FREM1: variants seen among roughly 807,000 people sequenced by gnomAD.
FREM1 encodes FRAS1 related extracellular matrix 1, also known as FRAS1-related extracellular matrix protein 1.
A neutral mutation model predicts 210.1 loss-of-function variants in FREM1; 220 were observed. The ratio of observed to expected loss-of-function variants is 1.05; its 90% CI spans 0.94 to 1.17. FREM1 has a LOEUF of 1.17. FREM1 is among the 50% of genes most tolerant of loss of function. The pLI, the probability that FREM1 is intolerant of heterozygous loss-of-function variation, is 0.00. For missense variants in FREM1, 3,454 were observed against 2,675.5 expected (o/e 1.29, Z -6.42); for synonymous variants, 1,189 against 980.2 (o/e 1.21, Z -3.98).
intron 5 of FREM1, among the ~76,000 whole-genome samples, 200 bp downstream of exon 5, chr9:14,857,353 G>A (rs930019306): frequency 2.0e-5 from 3 of 152,164 alleles, no homozygotes; most frequent in African/African-American, 7.2e-5. Flanking sequence ...AACCAGAGAA[G>A]GGAAATTTTA....
At chr9:14,855,543 G>A (rs950146255) in intron 5 of FREM1, among the ~76,000 whole-genome samples, 4 of 152,044 alleles carry the variant, frequency 2.6e-5, no homozygotes, top group Non-Finnish European at 2.9e-5. Flanking sequence ...GTATAAATGC[G>A]ATTCCATAAA....
intron 10 of FREM1, among the ~76,000 whole-genome samples, chr9:14,832,647 T>C (rs367753602): frequency 5.1e-4 from 78 of 152,270 alleles, no homozygotes; most frequent in Middle Eastern, 3.4e-3. Context: ...AACCTTAAAA[T>C]GCTTGATGTA....
chr9:14,827,289 C>T (rs1822649796), intron 10 of FREM1, among the ~76,000 whole-genome samples: 1 of 152,136 alleles, frequency 6.6e-6, no homozygotes, highest in Non-Finnish European at 1.5e-5. Flanking sequence ...TGAGGAATAT[C>T]TTATTGGAAA....
At chr9:14,903,258 CAT>C (rs1839098563) in intron 1 of FREM1, among the ~76,000 whole-genome samples, 1 of 152,108 alleles carries the variant, frequency 6.6e-6, no homozygotes, top group Admixed American at 6.5e-5. Context: ...TGAGCCATGA[CAT>C]GTGGTCAGCA....
At chr9:14,796,761 G>T (rs918101101) in intron 21 of FREM1, among the ~76,000 whole-genome samples, 6 of 152,154 alleles carry the variant, frequency 3.9e-5, no homozygotes, top group African/African-American at 1.4e-4. Flanking sequence ...GGATGTGTTT[G>T]CTTCCTCTTC....
chr9:14,906,252 C>A (rs1169950917), intron 1 of FREM1, among the ~76,000 whole-genome samples: 1 of 152,146 alleles, frequency 6.6e-6, no homozygotes, highest in African/African-American at 2.4e-5. Flanking sequence ...AACATTGTAG[C>A]CTATGATTAG....
rs371960930 is a variant in FREM1, at chr9:14,807,983, G to A, written c.3045C>T (p.Ile1015=). 1.6e-5 allele frequency: 26 copies of A among 1,613,730 alleles called. No individual in the cohort carries two copies. In the African/African-American group the frequency reaches 2.8e-4, roughly 17 times the overall value. ...GCTGGTTGTCTACTGGGTATACCGTGATGTTGAGATCATACACTGGAAAGG... is the reference window on the plus strand; with the variant it reads ...GCTGGTTGTCTACTGGGTATACCGTAATGTTGAGATCATACACTGGAAAGG... ...HASFPVYDLN[I]TVYPVDNQPP... The change falls in exon 17 of 37, where the codon ATC becomes ATT. Residue 1015 remains isoleucine, a synonymous_variant. Coordinates refer to ENST00000380880, the MANE Select transcript of FREM1 (RefSeq NM_001379081.2).
intron 27 of FREM1, among the ~76,000 whole-genome samples, chr9:14,766,130 A>G (rs1396782122): frequency 6.6e-6 from 1 of 152,144 alleles, no homozygotes; most frequent in Admixed American, 6.5e-5. Flanking sequence ...TGACTTCAGG[A>G]TAATTACTTA....
In FREM1 at chr9:14,899,214, G is replaced by T. The variant is rs567381736; in HGVS notation, c.-268+10700C>A. On this transcript the variant is annotated intron_variant, in intron 1 of 36. Transcript: ENST00000380880. ...ACAGCTACTCAAGGGCCACCCTGGT[G>T]GCTCACAGGCCATGTCCCCACAGTG... Among the ~76,000 whole-genome samples the T allele has an allele frequency of 2.6e-5, 4 of 152,320 alleles. No homozygotes were observed. The South Asian group carries it at 8.3e-4, about 32-fold the overall frequency.
Position 14,819,257 on chromosome 9 carries a change from G to T in FREM1, c.2523C>A (p.Gly841=). 6.2e-7 allele frequency: 1 copy of T among 1,612,496 alleles called. No individual in the cohort carries two copies. The highest frequency in any genetic ancestry group is 2.2e-5 in the East Asian group (1 of 44,846). Reference sequence around the variant, plus strand: ...ACCTAACTTTTAAGGTATGGAGATCGCCCCAAGAAAATGTGCCCCCTGAAT... The same window carrying T: ...ACCTAACTTTTAAGGTATGGAGATCTCCCCAAGAAAATGTGCCCCCTGAAT... ...PLNSGGTFSW[G]DLHTLKVRYQ... The change falls in exon 14 of 37, where the codon GGC becomes GGA. Residue 841 remains glycine, a synonymous_variant. Coordinates refer to ENST00000380880, the MANE Select transcript of FREM1 (RefSeq NM_001379081.2).
intron 1 of FREM1, among the ~76,000 whole-genome samples, chr9:14,893,048 C>T (rs1218191225): frequency 1.3e-5 from 2 of 152,154 alleles, no homozygotes; most frequent in Admixed American, 6.5e-5. Context: ...GGCCTTCCTT[C>T]GTGTTGCGGC....
chr9:14,821,308 C>T (rs1034383620), intron 13 of FREM1, among the ~76,000 whole-genome samples: 2 of 152,002 alleles, frequency 1.3e-5, no homozygotes, highest in Non-Finnish European at 2.9e-5. Context: ...AAAAGAGAAG[C>T]TACCCTGCCA....
At chr9:14,755,174 A>G (rs944194736) in intron 29 of FREM1, among the ~76,000 whole-genome samples, 4 of 152,170 alleles carry the variant, frequency 2.6e-5, no homozygotes, top group African/African-American at 9.7e-5. Context: ...TCTCTGTTTC[A>G]AGCTACCCAC....
In FREM1 at chr9:14,759,346, C is replaced by T. The variant is rs190330419; in HGVS notation, c.5334+426G>A. Among the ~76,000 whole-genome samples, 638 of 151,974 alleles carry T rather than the reference C, an allele frequency of 4.2e-3. 7 individuals are homozygous for T. The highest frequency in any genetic ancestry group is 0.014 in the African/African-American group (601 of 41,466). ...CCAACATGGTGAAACCCCGTCTCCA[C>T]TAAAAATACAAAAATTAGCAGGGCC... On this transcript the variant is annotated intron_variant, in intron 28 of 36. Transcript: ENST00000380880.
intron 1 of FREM1, among the ~76,000 whole-genome samples, chr9:14,873,917 C>T (rs561939636): frequency 1.7e-4 from 26 of 152,204 alleles, no homozygotes; most frequent in Admixed American, 5.9e-4. Context: ...GCCTTCATTT[C>T]GTTATGTACC....
intron 36 of FREM1, among the ~76,000 whole-genome samples, chr9:14,739,011 A>T (rs1840939206): frequency 1.7e-5 from 2 of 115,684 alleles, no homozygotes; most frequent in Admixed American, 8.3e-5. Context: ...TTCTGTCTCA[A>T]AAAAAAAAAA....
chr9:14,769,578 C>T, intron 27 of FREM1, 146 bp downstream of exon 27: 2 of 860,774 alleles, frequency 2.3e-6, no homozygotes, highest in Admixed American at 6.9e-5. Flanking sequence ...AAAATTCATT[C>T]TCCAAAATAA....
chr9:14,835,967 GGAAAAAA>G (rs1295958993), intron 10 of FREM1, among the ~76,000 whole-genome samples: 4 of 151,976 alleles, frequency 2.6e-5, no homozygotes, highest in Non-Finnish European at 5.9e-5. Context: ...TCTGCAGCTT[GGAAAAAA>G]GAAAAAAGGG....
rs144164946 is a variant in FREM1, at chr9:14,816,718, G to A, written c.2640+60C>T. On this transcript the variant is annotated intron_variant, in intron 15 of 36. Transcript: ENST00000380880. ...TATAAATTACCCAGTCTGTAGTATTGTGTTATGGCAGCACAAAACAGACTA... is the reference window on the plus strand; with the variant it reads ...TATAAATTACCCAGTCTGTAGTATTATGTTATGGCAGCACAAAACAGACTA... 664 of 798,434 alleles carry A rather than the reference G, an allele frequency of 8.3e-4. 4 individuals are homozygous for A. The African/African-American group carries it at 0.01, about 12-fold the overall frequency. 49.5% of individuals were successfully genotyped at this position (798,434 alleles called of 1,614,324 possible).
Sources: gnomAD v4.1 joint callset for allele counts (sites outside exome capture counted in the v4.1 genomes callset) on GRCh38, gnomAD v4.1.1 for gene constraint, MANE v1.5 for transcripts, NCBI Gene and HGNC (gene_info 2026-07-23, HGNC 2026-07-21) for gene names.